INVS: variants seen among roughly 807,000 people sequenced by gnomAD.
INVS encodes the protein inversion of embryo turning homolog.
A neutral mutation model predicts 108.8 loss-of-function variants in INVS; 86 were observed. The ratio of observed to expected loss-of-function variants is 0.79; its 90% CI spans 0.66 to 0.95. The LOEUF is 0.95. INVS is among the 40% of genes least tolerant of loss of function. INVS has a pLI of 0.00. For synonymous variants in INVS, 455 were observed against 473.5 expected, an observed-to-expected ratio of 0.96 and a Z score of 0.51; for missense variants, 1,169 against 1,297.4, an observed-to-expected ratio of 0.90 and a Z score of 1.52.
At position 100,185,516 on chromosome 9, in the gene INVS, A is replaced by AATATATATATAT. The variant is rs35603398; in HGVS notation, c.274-40515_274-40504dup. 4.6e-3 allele frequency among the ~76,000 whole-genome samples: 507 copies of AATATATATATAT among 110,552 alleles called. 5 individuals carry two copies. The highest frequency in any genetic ancestry group is 7.6e-3 in the East Asian group (18 of 2,364). The allele number at this position is 110,552 out of a possible 152,430, so 72.5% of individuals were successfully genotyped here. A position where few individuals can be genotyped will look rare whatever the true frequency, so the allele number is the denominator to read the frequency against. ...ACACTTCATTTTGTATATGCATAGA[A>AATATATATATAT]ATATATATATATATATATATATATA... On this transcript the variant is annotated intron_variant, in intron 3 of 16. Transcript: ENST00000262457.
chr9:100,238,108 G>T (rs1186278712), intron 5 of INVS, among the ~76,000 whole-genome samples: 1 of 151,814 alleles, frequency 6.6e-6, no homozygotes, highest in Non-Finnish European at 1.5e-5. Context: ...TGAACTCTTG[G>T]CCTCAAGTGA....
intron 3 of INVS, among the ~76,000 whole-genome samples, chr9:100,206,574 C>T (rs1830682062): frequency 1.3e-5 from 2 of 152,134 alleles, no homozygotes; most frequent in South Asian, 4.2e-4. Flanking sequence ...AGGTGTGATA[C>T]TCCTTTGCCC....
Position 100,302,028 on chromosome 9 carries a change from AG to A in INVS, c.*1356del, listed in dbSNP as rs1407588178. 1 of 496,164 alleles carries A rather than the reference AG, an allele frequency of 2.0e-6. No individual in the cohort carries two copies. Among genetic ancestry groups the A allele is most frequent in the African/African-American group, 1.9e-5 (1 of 52,642 alleles). The allele number at this position is 496,164 out of a possible 1,614,324, so 30.7% of individuals were successfully genotyped here. A position where few individuals can be genotyped will look rare whatever the true frequency, so the allele number is the denominator to read the frequency against. ...CCGGGAAGCCAGCCTACACATCAAT[AG>A]GAACGCCCAAACATTATTTTCATAT... is the stretch of plus-strand genomic sequence containing the variant. On this transcript the variant is annotated 3_prime_UTR_variant, in exon 17 of 17. Coordinates refer to ENST00000262457, the MANE Select transcript of INVS (RefSeq NM_014425.5).
At chr9:100,282,431 A>G (rs1333371953) in intron 12 of INVS, among the ~76,000 whole-genome samples, 1 of 152,184 alleles carries the variant, frequency 6.6e-6, no homozygotes, top group Non-Finnish European at 1.5e-5. Context: ...GTAGAAAACT[A>G]TTATATAAGC....
intron 3 of INVS, among the ~76,000 whole-genome samples, chr9:100,193,637 G>A (rs1196110280): frequency 6.6e-6 from 1 of 152,046 alleles, no homozygotes; most frequent in East Asian, 1.9e-4. Context: ...TCTGTTTTCT[G>A]TCACAACAGA....
rs559113135 is a variant in INVS at position 100,256,713 on chromosome 9, T to C, written c.1464+3577T>C. ...AGGAGCAGGTTGTTCAGTTTCCATG[T>C]AGTTGAGTGGTTTTGAGTGAGTTTC... On this transcript the variant is annotated intron_variant, in intron 10 of 16. Coordinates refer to ENST00000262457, the MANE Select transcript of INVS (RefSeq NM_014425.5). Among the ~76,000 whole-genome samples the C allele has an allele frequency of 4.2e-3, 636 of 152,328 alleles. 3 individuals carry two copies. Among genetic ancestry groups the C allele is most frequent in the African/African-American group, 0.015 (605 of 41,574 alleles).
intron 2 of INVS, among the ~76,000 whole-genome samples, chr9:100,116,397 T>C (rs1374903066): frequency 6.6e-6 from 1 of 152,170 alleles, no homozygotes; most frequent in Non-Finnish European, 1.5e-5. Context: ...GTGTGAGCAC[T>C]GCACCCAGCC....
At chr9:100,155,608 G>C (rs1828951063) in intron 3 of INVS, among the ~76,000 whole-genome samples, 1 of 152,184 alleles carries the variant, frequency 6.6e-6, no homozygotes, top group Non-Finnish European at 1.5e-5. Flanking sequence ...AAAGTGCTGG[G>C]ATTATAGGCG....
rs2118930993 is a variant in INVS at position 100,136,701 on chromosome 9, A to G, written c.273+10152A>G. Among the ~76,000 whole-genome samples, 3 of 152,264 alleles carry G rather than the reference A, an allele frequency of 2.0e-5. 1 individual carries two copies. In the South Asian group the frequency reaches 6.2e-4, roughly 32 times the overall value. ...GAGACATCAAAAATTTAGGAGAAAG[A>G]ATGGATTATTGATGGATCAAAGTCG... On this transcript the variant is annotated intron_variant, in intron 3 of 16. Transcript: ENST00000262457.
At chr9:100,111,307 A>G (rs1827331011) in intron 2 of INVS, among the ~76,000 whole-genome samples, 1 of 152,254 alleles carries the variant, frequency 6.6e-6, no homozygotes, top group Non-Finnish European at 1.5e-5. Flanking sequence ...TGCAAGTGAC[A>G]GTCATTTCCT....
chr9:100,168,974 G>T (rs1371047440), intron 3 of INVS, among the ~76,000 whole-genome samples: 1 of 152,128 alleles, frequency 6.6e-6, no homozygotes, highest in African/African-American at 2.4e-5. Flanking sequence ...CTTTATGAGA[G>T]AAATTGCATA....
At chr9:100,167,467 ATC>A (rs1276511855) in intron 3 of INVS, among the ~76,000 whole-genome samples, 1 of 151,964 alleles carries the variant, frequency 6.6e-6, no homozygotes, top group Non-Finnish European at 1.5e-5. Context: ...TCCAGTAGGA[ATC>A]TCTGTGTTGA....
At chr9:100,139,788 C>T (rs1002342823) in intron 3 of INVS, among the ~76,000 whole-genome samples, 1 of 152,106 alleles carries the variant, frequency 6.6e-6, no homozygotes, top group East Asian at 1.9e-4. Context: ...ACTATAGGCA[C>T]GTACCACTAC....
chr9:100,127,283 T>C (rs1233851240), intron 3 of INVS, among the ~76,000 whole-genome samples: 1 of 152,146 alleles, frequency 6.6e-6, no homozygotes, highest in African/African-American at 2.4e-5. Context: ...AAAATAAATT[T>C]ATTTTCTGAA....
At chr9:100,130,358 C>T (rs1341660761) in intron 3 of INVS, 1 of 151,998 alleles carries the variant, frequency 6.6e-6, no homozygotes, top group East Asian at 1.9e-4. Flanking sequence ...ACTAATATGG[C>T]AACTAAAGCT....
chr9:100,186,864 T>A (rs1830069029), intron 3 of INVS, among the ~76,000 whole-genome samples: 1 of 152,076 alleles, frequency 6.6e-6, no homozygotes, highest in African/African-American at 2.4e-5. Flanking sequence ...TTTTTATTTT[T>A]ATTAGGTCTC....
At chr9:100,230,943 G>A (rs954741093) in intron 5 of INVS, among the ~76,000 whole-genome samples, 4 of 152,132 alleles carry the variant, frequency 2.6e-5, no homozygotes, top group African/African-American at 9.7e-5. Flanking sequence ...TTTGTTTCCA[G>A]TTTTTTGTTA....
chr9:100,169,898 C>T (rs1237611827), intron 3 of INVS, among the ~76,000 whole-genome samples: 2 of 152,178 alleles, frequency 1.3e-5, no homozygotes, highest in African/African-American at 4.8e-5. Context: ...ACAAAAGACA[C>T]TAGATGGATG....
intron 3 of INVS, among the ~76,000 whole-genome samples, chr9:100,154,610 G>A (rs1045202015): frequency 4.0e-5 from 6 of 151,844 alleles, no homozygotes; most frequent in Non-Finnish European, 5.9e-5. Flanking sequence ...AAAAGCAAGC[G>A]CAGAATATTG....
Sources: gnomAD v4.1 joint callset for allele counts (sites outside exome capture counted in the v4.1 genomes callset) on GRCh38, gnomAD v4.1.1 for gene constraint, MANE v1.5 for transcripts, NCBI Gene and HGNC (gene_info 2026-07-23, HGNC 2026-07-21) for gene names.